OSBPL2: variants seen among roughly 807,000 people sequenced by gnomAD.
OSBPL2 encodes the protein oxysterol-binding protein-related protein 2.
OSBPL2 carries 18 observed loss-of-function variants against 58.4 expected under a neutral mutation model. The observed-to-expected ratio is 0.31, with a 90% CI of 0.21 to 0.46. The LOEUF is 0.46. OSBPL2 is among the 20% of genes least tolerant of loss of function. The pLI is 1.00. For synonymous variants in OSBPL2, 221 were observed against 234.1 expected, an observed-to-expected ratio of 0.94 and a Z score of 0.51; for missense variants, 461 against 616.5, an observed-to-expected ratio of 0.75 and a Z score of 2.67.
chr20:62,289,708 A>G (rs1204337073), intron 12 of OSBPL2, among the ~76,000 whole-genome samples: 1 of 152,144 alleles, frequency 6.6e-6, no homozygotes, highest in Non-Finnish European at 1.5e-5. Flanking sequence ...GTTCGAAACC[A>G]TCCTGGCCAA....
At chr20:62,287,248 T>C (rs1265315186) in intron 11 of OSBPL2, among the ~76,000 whole-genome samples, 2 of 152,246 alleles carry the variant, frequency 1.3e-5, no homozygotes, top group African/African-American at 4.8e-5. Flanking sequence ...TATATGGTTA[T>C]ATGATAAATA....
At chr20:62,248,690 T>TTA (rs1229333502) in intron 1 of OSBPL2, among the ~76,000 whole-genome samples, 1 of 151,652 alleles carries the variant, frequency 6.6e-6, no homozygotes, top group Non-Finnish European at 1.5e-5. Context: ...ATTTATTTAT[T>TTA]TATTTATTTA....
At chr20:62,279,434 C>T (rs1568846899) in intron 7 of OSBPL2, 95 bp downstream of exon 7, 1 of 1,315,260 alleles carries the variant, frequency 7.6e-7, no homozygotes, top group South Asian at 1.4e-5. Flanking sequence ...GGAGGAAACC[C>T]TGTCATTTTT....
intron 4 of OSBPL2, among the ~76,000 whole-genome samples, chr20:62,266,274 C>T (rs1223291251): frequency 6.6e-6 from 1 of 152,176 alleles, no homozygotes; most frequent in African/African-American, 2.4e-5. Flanking sequence ...TAGAAAGGCG[C>T]TGGGAGGGGC....
rs539469989 is a variant in OSBPL2, at chr20:62,282,250, G to A, written c.872+371G>A. On this transcript the variant is annotated intron_variant, in intron 9 of 13. Coordinates refer to ENST00000313733, the MANE Select transcript of OSBPL2 (RefSeq NM_144498.4). ...CGTTTTCCTTCTACCAGCACCCCATGCACGTTGTCAGGCAAGACTCAAATG... is the reference window on the plus strand; with the variant it reads ...CGTTTTCCTTCTACCAGCACCCCATACACGTTGTCAGGCAAGACTCAAATG... 1.6e-4 allele frequency among the ~76,000 whole-genome samples: 24 copies of A among 152,278 alleles called. No homozygotes were observed. The South Asian group carries it at 4.4e-3, about 28-fold the overall frequency.
At chr20:62,281,024 G>T (rs1204586707) in intron 7 of OSBPL2, 34 bp from the exon 8 acceptor site, 6 of 1,539,820 alleles carry the variant, frequency 3.9e-6, no homozygotes, top group Middle Eastern at 1.7e-4. Context: ...GGCTTTTCTG[G>T]ACTCTCACTG....
intron 1 of OSBPL2, among the ~76,000 whole-genome samples, chr20:62,245,532 C>T (rs573908214): frequency 4.6e-5 from 7 of 152,322 alleles, no homozygotes; most frequent in South Asian, 2.1e-4. Context: ...GGTTAAAAAG[C>T]GCAGACCTAG....
chr20:62,273,359 C>G lies in OSBPL2; in HGVS notation c.444C>G (p.Thr148=). The change falls in exon 6 of 14, where the codon ACC becomes ACG. Residue 148 remains threonine (T), a synonymous_variant. Coordinates refer to ENST00000313733, the MANE Select transcript of OSBPL2 (RefSeq NM_144498.4). ...VSAVASQWER[T]GKPFNPLLGE... is the part of the protein sequence containing the mutation. Reference sequence around the variant, plus strand: ...CTGTGGCTTCCCAGTGGGAGAGGACCGGCAAACCATTTAATCCACTCTTGG... The same window carrying G: ...CTGTGGCTTCCCAGTGGGAGAGGACGGGCAAACCATTTAATCCACTCTTGG... The G allele has an allele frequency of 6.2e-7, 1 of 1,604,016 alleles. No homozygotes were observed. Among genetic ancestry groups the G allele is most frequent in the South Asian group, 1.1e-5 (1 of 89,408 alleles).
intron 4 of OSBPL2, among the ~76,000 whole-genome samples, chr20:62,268,770 T>A (rs899707620): frequency 2.6e-5 from 4 of 152,138 alleles, no homozygotes; most frequent in African/African-American, 9.7e-5. Flanking sequence ...CAGCTACTTT[T>A]AAAAAATTTT....
At chr20:62,242,334 C>T (rs1429335280) in intron 1 of OSBPL2, 2 of 152,236 alleles carry the variant, frequency 1.3e-5, no homozygotes, top group Non-Finnish European at 2.9e-5. Context: ...CAGAAAAGAA[C>T]TTGGGATCAT....
At chr20:62,263,555 CCTT>C in intron 3 of OSBPL2, 58 bp from the exon 4 acceptor site, 1 of 1,264,688 alleles carries the variant, frequency 7.9e-7, no homozygotes, top group Non-Finnish European at 1.2e-6. Context: ...AGCACAGCCT[CCTT>C]GAGTGGTCAG....
At chr20:62,268,894 A>G (rs749755569) in intron 4 of OSBPL2, among the ~76,000 whole-genome samples, 7 of 152,058 alleles carry the variant, frequency 4.6e-5, no homozygotes, top group Non-Finnish European at 7.4e-5. Context: ...TGTCTCTACT[A>G]AAAATACAAA....
intron 4 of OSBPL2, 149 bp downstream of exon 4, chr20:62,263,840 C>T (rs1436813151): frequency 1.4e-5 from 9 of 664,724 alleles, no homozygotes; most frequent in East Asian, 1.1e-4. Flanking sequence ...CCGAGGTGGG[C>T]GGATCACGAG....
intron 7 of OSBPL2, chr20:62,280,050 C>G: frequency 7.7e-7 from 1 of 1,304,286 alleles, no homozygotes; most frequent in Non-Finnish European, 1.0e-6. Context: ...AAGTCTCCAA[C>G]AAATGCCGGC....
In OSBPL2 at chr20:62,269,224, G is replaced by A. The variant is rs1416028350; in HGVS notation, c.259-2901G>A. Among the ~76,000 whole-genome samples the A allele has an allele frequency of 2.0e-5, 3 of 152,154 alleles. No homozygotes were observed. The highest frequency in any genetic ancestry group is 1.9e-4 in the East Asian group (1 of 5,198). On this transcript the variant is annotated intron_variant, in intron 4 of 13. Transcript: ENST00000313733. This position sits in a 1 kb window ranked among gnomAD's most constrained non-coding sequence, Gnocchi z 4.2. ...GCCGACTTCTGAATCTTTTAATGGC[G>A]CGGCGCTCCCTCACATGGCTGCCAC...
intron 4 of OSBPL2, chr20:62,271,801 GGGGCGCA>G (rs1464653068): frequency 7.1e-6 from 2 of 280,760 alleles, no homozygotes; most frequent in African/African-American, 4.4e-5. Flanking sequence ...AGTAGGGGAG[GGGGCGCA>G]GGTGGGCCCA....
intron 12 of OSBPL2, among the ~76,000 whole-genome samples, chr20:62,290,439 C>T (rs1172992169): frequency 9.2e-5 from 7 of 76,380 alleles, no homozygotes; most frequent in African/African-American, 1.4e-4. Context: ...TTTTTTGAGA[C>T]GGAGTCTCAC....
intron 1 of OSBPL2, among the ~76,000 whole-genome samples, chr20:62,247,178 G>A (rs998109597): frequency 2.6e-5 from 4 of 152,234 alleles, no homozygotes; most frequent in Non-Finnish European, 5.9e-5. Context: ...TTCAGTGCAC[G>A]ATGCTGCACC....
Position 62,293,816 on chromosome 20 carries a change from G to GA in OSBPL2, c.1372_1373insA (p.Gly458GlufsTer13). 1 of 1,614,072 alleles carries GA rather than the reference G, an allele frequency of 6.2e-7. No individual in the cohort carries two copies. The highest frequency in any genetic ancestry group is 8.5e-7 in the Non-Finnish European group (1 of 1,179,990). ...CTACCCAGGCAATAACCCCTACACTGGGACCCCCGACTGGTTGTATGCAGG... is the reference window on the plus strand; with the variant it reads ...CTACCCAGGCAATAACCCCTACACTGAGGACCCCCGACTGGTTGTATGCAGG... On this transcript the variant is annotated frameshift_variant, in exon 14 of 14. Coordinates refer to ENST00000313733, the MANE Select transcript of OSBPL2 (RefSeq NM_144498.4). LOFTEE classifies it high-confidence loss of function.
Sources: allele counts gnomAD v4.1 joint callset (sites outside exome capture counted in the v4.1 genomes callset), GRCh38; gene constraint gnomAD v4.1.1; non-coding constraint Gnocchi (gnomAD v3.1); transcripts MANE v1.5; gene names NCBI Gene and HGNC (gene_info 2026-07-23, HGNC 2026-07-21).